P3H4: variants seen among roughly 807,000 people sequenced by gnomAD.
The protein encoded by P3H4 is endoplasmic reticulum protein SC65.
Under a neutral mutation model 52.9 loss-of-function variants are expected in P3H4, and 47 were observed. The observed-to-expected ratio is 0.89, with a 90% CI of 0.70 to 1.13. The LOEUF (loss-of-function observed/expected upper bound fraction) is 1.13, where lower values mean the gene tolerates loss of function less well. P3H4 is among the 50% of genes most tolerant of loss of function. The pLI, the probability that P3H4 is intolerant of heterozygous loss-of-function variation, is 0.00. For missense variants in P3H4, 585 were observed against 611.0 expected, an observed-to-expected ratio of 0.96 and a Z score of 0.45; for synonymous variants, 256 against 267.9, an observed-to-expected ratio of 0.96 and a Z score of 0.44.
At chr17:41,805,187 T>C (rs1437140983) in intron 6 of P3H4, among the ~76,000 whole-genome samples, 2 of 148,836 alleles carry the variant, frequency 1.3e-5, no homozygotes, top group African/African-American at 2.5e-5. Context: ...CTTGGGAGGC[T>C]GAGGTAGGAG....
rs782023694 is a variant in P3H4 at position 41,811,862 on chromosome 17, C to A, written c.54G>T (p.Ala18=). The A allele has an allele frequency of 6.5e-7, 1 of 1,541,604 alleles. No homozygotes were observed. Among genetic ancestry groups the A allele is most frequent in the South Asian group, 1.2e-5 (1 of 84,356 alleles). The stretch of plus-strand genomic sequence containing the variant: ...CCCGGAAGCTGTACTTCTCGTACTG[C>A]GCCCCGGCGCTGCCCAGCAGCAACC... ...LLWLLLGSAG[A]QYEKYSFRGF... is the part of the protein sequence containing the mutation. The change falls in exon 1 of 8, where the codon GCG becomes GCT. Residue 18 remains alanine (A), a synonymous_variant. Coordinates refer to ENST00000393928, the MANE Select transcript of P3H4 (RefSeq NM_006455.3). The surrounding 1 kb of genome is among the most constrained non-coding windows in gnomAD (Gnocchi z 4.8).
chr17:41,804,903 G>A (rs182303311), intron 6 of P3H4, among the ~76,000 whole-genome samples: 2 of 152,028 alleles, frequency 1.3e-5, no homozygotes, highest in East Asian at 1.9e-4. Context: ...AACCCAAGAG[G>A]TGGAGGTTGC....
intron 3 of P3H4, 57 bp from the exon 4 acceptor site, chr17:41,809,891 C>T (rs181233976): frequency 2.2e-4 from 348 of 1,579,488 alleles, no homozygotes; most frequent in Non-Finnish European, 2.9e-4. Flanking sequence ...CTCCGTCCCC[C>T]CAGTGGAGAA....
chr17:41,807,713 T>C (rs567166492), intron 5 of P3H4, 146 bp downstream of exon 5: 11 of 988,314 alleles, frequency 1.1e-5, no homozygotes, highest in African/African-American at 1.0e-4. Flanking sequence ...TTAGCCAGGA[T>C]GGTCCTGATC....
chr17:41,806,752 G>C (rs201290676), intron 6 of P3H4, 44 bp downstream of exon 6: 336 of 1,534,724 alleles, frequency 2.2e-4, no homozygotes, highest in Non-Finnish European at 3.0e-4. Context: ...AAGGTCCAAG[G>C]TGTCCCCATC....
chr17:41,803,570 A>C, intron 6 of P3H4, 139 bp from the exon 7 acceptor site: 2 of 746,412 alleles, frequency 2.7e-6, no homozygotes, highest in Non-Finnish European at 4.3e-6. Context: ...CTCAAGATCT[A>C]ATGAGACAGT....
In P3H4 at chr17:41,807,899, G is replaced by A. The variant is rs1555614409; in HGVS notation, c.1022C>T (p.Ala341Val). Reference protein sequence around the residue: ...QNLVYYRFHRARWGLEEEDFQ... With the variant: ...QNLVYYRFHRVRWGLEEEDFQ... Reference sequence around the variant, plus strand: ...GTCCTCCTCTTCCAGGCCCCAGCGAGCCCGGTGGAACCGGTAATACACCAG... The same window carrying A: ...GTCCTCCTCTTCCAGGCCCCAGCGAACCCGGTGGAACCGGTAATACACCAG... The change falls in exon 5 of 8, where the codon GCT becomes GTT. Residue 341 changes from alanine to valine, a missense_variant. Ala to Val is a moderately conservative substitution (Grantham distance 64, BLOSUM62 0). Transcript: ENST00000393928. 1 of 1,614,080 alleles carries A rather than the reference G, an allele frequency of 6.2e-7. No homozygotes were observed. Among genetic ancestry groups the A allele is most frequent in the Non-Finnish European group, 8.5e-7 (1 of 1,179,960 alleles).
chr17:41,803,794 AATCC>A (rs1201822967), intron 6 of P3H4, among the ~76,000 whole-genome samples: 3 of 152,100 alleles, frequency 2.0e-5, no homozygotes, highest in Non-Finnish European at 4.4e-5. Flanking sequence ...AGCCCGCACT[AATCC>A]CTCCAAAGCC....
intron 6 of P3H4, among the ~76,000 whole-genome samples, chr17:41,806,077 G>C (rs2047671342): frequency 6.6e-6 from 1 of 152,004 alleles, no homozygotes. Context: ...AAATTAGCCA[G>C]GCGTGGTGGT....
chr17:41,810,054 C>T (rs535512002), intron 3 of P3H4, among the ~76,000 whole-genome samples: 36 of 152,030 alleles, frequency 2.4e-4, no homozygotes, highest in African/African-American at 8.4e-4. Flanking sequence ...GCTGACTCAC[C>T]ACCCCTGCCA....
In P3H4 at chr17:41,806,919, CCT is replaced by C. The variant is rs782685520; in HGVS notation, c.1063-42_1063-41del. The C allele has an allele frequency of 8.5e-6, 13 of 1,538,238 alleles. No individual in the cohort carries two copies. The African/African-American group carries it at 1.5e-4, about 18-fold the overall frequency. ...GGACGGGGTGGGGGGTGAGCCATAC[CCT>C]GTTGCCAGATGGCAAGAAGCCAGGG... On this transcript the variant is annotated intron_variant, in intron 5 of 7. Coordinates refer to ENST00000393928, the MANE Select transcript of P3H4 (RefSeq NM_006455.3).
intron 4 of P3H4, 57 bp downstream of exon 4, chr17:41,809,649 A>G: frequency 6.3e-7 from 1 of 1,577,100 alleles, no homozygotes; most frequent in Non-Finnish European, 8.6e-7. Context: ...GCTCCCATAC[A>G]GTCCTCTCCC....
chr17:41,806,897 C>T lies in P3H4; in HGVS notation c.1063-18G>A, dbSNP rs782656054. 4.4e-5 allele frequency: 71 copies of T among 1,606,194 alleles called. No homozygotes were observed. Among genetic ancestry groups the T allele is most frequent in the South Asian group, 5.5e-5 (5 of 90,534 alleles). On this transcript the variant is annotated intron_variant, in intron 5 of 7. Coordinates refer to ENST00000393928, the MANE Select transcript of P3H4 (RefSeq NM_006455.3). ...ATGGCCTCCTGGAAGGAGGGAAGGA[C>T]GGGGTGGGGGGTGAGCCATACCCTG...
chr17:41,803,202 C>T (rs2047636325), intron 7 of P3H4, 85 bp downstream of exon 7: 2 of 1,538,476 alleles, frequency 1.3e-6, no homozygotes, highest in East Asian at 2.3e-5. Context: ...ACACCCTGGG[C>T]TCCGGAGCCC....
At chr17:41,803,177 C>T (rs565325404) in intron 7 of P3H4, 110 bp downstream of exon 7, 5 of 1,496,768 alleles carry the variant, frequency 3.3e-6, no homozygotes, top group African/African-American at 1.4e-5. Context: ...GGAGGATGGG[C>T]CCCAGCACCC....
Position 41,809,583 on chromosome 17 carries a change from C to T in P3H4, c.916+123G>A, listed in dbSNP as rs962021977. On this transcript the variant is annotated intron_variant, in intron 4 of 7. Transcript: ENST00000393928. ...CATATTCCCACCACCCCTAGACTTT[C>T]CTCCTATCACCCAGGGTCCTCAATA... 26 of 1,205,928 alleles carry T rather than the reference C, an allele frequency of 2.2e-5. No individual in the cohort carries two copies. The African/African-American group carries it at 3.0e-4, about 14-fold the overall frequency. The allele number at this position is 1,205,928 out of a possible 1,614,324, so 74.7% of individuals were successfully genotyped here.
chr17:41,810,888 G>T lies in P3H4; in HGVS notation c.762C>A (p.Phe254Leu), dbSNP rs142576139. 3.1e-6 allele frequency: 5 copies of T among 1,614,016 alleles called. No homozygotes were observed. The highest frequency in any genetic ancestry group is 4.2e-6 in the Non-Finnish European group (5 of 1,179,946). The change falls in exon 3 of 8, where the codon TTC becomes TTA. Residue 254 changes from phenylalanine to leucine, a missense_variant. Physicochemically the swap from Phe to Leu is conservative, Grantham distance 22. Coordinates refer to ENST00000393928, the MANE Select transcript of P3H4 (RefSeq NM_006455.3). ...CTGCTATGGCCGGGTAGAAGTCCTT[G>T]AAGTCCACCTGCTCATGGGCCCCTT... ...GCEGAHEQVDFKDFYPAIADL... is the reference protein window; with the variant it reads ...GCEGAHEQVDLKDFYPAIADL...
chr17:41,806,741 A>T, intron 6 of P3H4, 55 bp downstream of exon 6: 1 of 1,478,356 alleles, frequency 6.8e-7, no homozygotes. Context: ...GGCCCCAGGA[A>T]AAGGTCCAAG....
chr17:41,807,029 G>A, intron 5 of P3H4, 150 bp from the exon 6 acceptor site: 2 of 625,112 alleles, frequency 3.2e-6, no homozygotes, highest in Non-Finnish European at 5.7e-6. Context: ...TCAGATCATC[G>A]TGGCTGCTTG....
Sources: gnomAD v4.1 joint callset for allele counts (sites outside exome capture counted in the v4.1 genomes callset) on GRCh38, gnomAD v4.1.1 for gene constraint, Gnocchi (gnomAD v3.1) non-coding constraint, MANE v1.5 for transcripts, NCBI Gene and HGNC (gene_info 2026-07-23, HGNC 2026-07-21) for gene names.